Variants in ERBB4 observed in about 807,000 individuals in gnomAD.
The protein encoded by ERBB4 is erb-b2 receptor tyrosine kinase 4.
Under a neutral mutation model 158.0 loss-of-function variants are expected in ERBB4, and 42 were observed. The ratio of observed to expected loss-of-function variants is 0.27; its 90% CI spans 0.21 to 0.34. The LOEUF is 0.34. Ranked by LOEUF, ERBB4 falls within the 10% of genes least tolerant of loss-of-function variation. ERBB4 has a pLI of 1.00. For synonymous variants in ERBB4, 583 were observed against 558.7 expected (o/e 1.04, Z -0.61); for missense variants, 1,333 against 1,624.1 (o/e 0.82, Z 3.08).
At chr2:212,417,580 C>A (rs1240214188) in intron 1 of ERBB4, among the ~76,000 whole-genome samples, 1 of 151,980 alleles carries the variant, frequency 6.6e-6, no homozygotes, top group African/African-American at 2.4e-5. Flanking sequence ...TTGTCCCAAG[C>A]ATTTTGGATA....
At chr2:212,392,576 T>C (rs985073486) in intron 1 of ERBB4, among the ~76,000 whole-genome samples, 1 of 152,174 alleles carries the variant, frequency 6.6e-6, no homozygotes, top group Admixed American at 6.6e-5. Context: ...ATGCATTATC[T>C]GGGCAAAGAG....
At chr2:211,416,534 A>G (rs2063397001) in intron 25 of ERBB4, among the ~76,000 whole-genome samples, 2 of 152,240 alleles carry the variant, frequency 1.3e-5, no homozygotes, top group Non-Finnish European at 2.9e-5. Context: ...TACAATAAAC[A>G]GCCCAGCAAA....
chr2:212,106,808 A>G (rs1271741115), intron 2 of ERBB4, among the ~76,000 whole-genome samples: 2 of 152,204 alleles, frequency 1.3e-5, no homozygotes, highest in Non-Finnish European at 2.9e-5. Flanking sequence ...AGCAGTGACT[A>G]AAAGGGGCCA....
chr2:211,743,052 G>A (rs1458151404), intron 5 of ERBB4, among the ~76,000 whole-genome samples: 3 of 152,062 alleles, frequency 2.0e-5, no homozygotes, highest in East Asian at 3.9e-4. Flanking sequence ...TTTAAATGGA[G>A]AGAAGTGTAT....
chr2:211,468,032 T>C (rs2064739099), intron 20 of ERBB4, among the ~76,000 whole-genome samples: 1 of 152,140 alleles, frequency 6.6e-6, no homozygotes, highest in Admixed American at 6.6e-5. Context: ...AGATAAATAA[T>C]GTGGCTGGAA....
chr2:211,617,526 C>T lies in ERBB4; in HGVS notation c.2301+1651G>A, dbSNP rs533980961. 1.6e-3 allele frequency among the ~76,000 whole-genome samples: 250 copies of T among 152,054 alleles called. 1 individual carries two copies. Among genetic ancestry groups the T allele is most frequent in the African/African-American group, 5.8e-3 (239 of 41,476 alleles). On this transcript the variant is annotated intron_variant, in intron 19 of 27. Transcript: ENST00000342788. ...TTTTGGCCTTACTGTTATATAGATG[C>T]CGGTAGATATGCAACAAGGTGATAT...
intron 19 of ERBB4, among the ~76,000 whole-genome samples, chr2:211,573,561 C>T (rs1162970848): frequency 2.0e-5 from 3 of 151,718 alleles, no homozygotes; most frequent in Admixed American, 1.3e-4. Context: ...TCCCAGCTAC[C>T]CGGGAGGCTG....
At chr2:211,459,403 A>G (rs2064469876) in intron 20 of ERBB4, among the ~76,000 whole-genome samples, 1 of 152,194 alleles carries the variant, frequency 6.6e-6, no homozygotes, top group Non-Finnish European at 1.5e-5. Flanking sequence ...ATCAAAACCA[A>G]AAGTGAAATA....
intron 2 of ERBB4, among the ~76,000 whole-genome samples, chr2:212,116,195 C>T (rs1459174885): frequency 1.3e-5 from 2 of 151,424 alleles, no homozygotes; most frequent in East Asian, 1.9e-4. Flanking sequence ...TAAATGGTCA[C>T]TATATTTACA....
At chr2:211,934,347 G>A (rs531188008) in intron 3 of ERBB4, among the ~76,000 whole-genome samples, 1 of 151,854 alleles carries the variant, frequency 6.6e-6, no homozygotes, top group Non-Finnish European at 1.5e-5. Context: ...TTGCCAACTA[G>A]GGAGTAATTT....
intron 1 of ERBB4, among the ~76,000 whole-genome samples, chr2:212,465,210 A>C (rs980139305): frequency 6.6e-6 from 1 of 152,178 alleles, no homozygotes; most frequent in Admixed American, 6.6e-5. Flanking sequence ...GTTGAACAAA[A>C]TGACCTCCTA....
At chr2:211,543,421 A>C (rs933407767) in intron 20 of ERBB4, among the ~76,000 whole-genome samples, 1 of 151,986 alleles carries the variant, frequency 6.6e-6, no homozygotes, top group South Asian at 2.1e-4. Context: ...TAGCCCTCAA[A>C]TCATAAGAAA....
At chr2:212,234,925 G>C (rs951218870) in intron 1 of ERBB4, among the ~76,000 whole-genome samples, 2 of 152,098 alleles carry the variant, frequency 1.3e-5, no homozygotes, top group South Asian at 2.1e-4. Flanking sequence ...TCTGTAGGTT[G>C]CCTGTTCACT....
intron 3 of ERBB4, among the ~76,000 whole-genome samples, chr2:211,846,928 T>C (rs975945360): frequency 6.6e-6 from 1 of 152,194 alleles, no homozygotes; most frequent in Non-Finnish European, 1.5e-5. Flanking sequence ...CAGCACAGCA[T>C]GATTTGAAAC....
chr2:211,781,571 T>G (rs1041325394), intron 4 of ERBB4, among the ~76,000 whole-genome samples: 5 of 152,176 alleles, frequency 3.3e-5, no homozygotes, highest in African/African-American at 1.2e-4. Context: ...TAAAACACAC[T>G]TAAAATGTAG....
chr2:211,756,126 A>G (rs1373653734), intron 4 of ERBB4, among the ~76,000 whole-genome samples: 1 of 152,140 alleles, frequency 6.6e-6, no homozygotes, highest in Non-Finnish European at 1.5e-5. Context: ...GGGAGGGGGG[A>G]TAAAAAGACG....
intron 1 of ERBB4, among the ~76,000 whole-genome samples, chr2:212,266,060 T>G (rs77154587): frequency 6.6e-6 from 1 of 151,918 alleles, no homozygotes; most frequent in African/African-American, 2.4e-5. Flanking sequence ...TCAAAAATAA[T>G]CATATCACAG....
At chr2:212,496,999 G>A (rs1690612125) in intron 1 of ERBB4, among the ~76,000 whole-genome samples, 1 of 151,920 alleles carries the variant, frequency 6.6e-6, no homozygotes, top group Non-Finnish European at 1.5e-5. Flanking sequence ...GGCCAACATG[G>A]TGAAATCCTG....
intron 2 of ERBB4, among the ~76,000 whole-genome samples, chr2:212,089,659 G>A (rs1055273547): frequency 3.9e-5 from 6 of 152,140 alleles, no homozygotes; most frequent in African/African-American, 1.4e-4. Context: ...TCTGCCATGA[G>A]TAAAAGCTCC....
Sources: gnomAD v4.1 joint callset for allele counts (sites outside exome capture counted in the v4.1 genomes callset) on GRCh38, gnomAD v4.1.1 for gene constraint, MANE v1.5 for transcripts, NCBI Gene and HGNC (gene_info 2026-07-23, HGNC 2026-07-21) for gene names.